PTPRN2: variants seen among roughly 807,000 people sequenced by gnomAD.
PTPRN2 encodes receptor-type tyrosine-protein phosphatase N2.
Under a neutral mutation model 118.8 loss-of-function variants are expected in PTPRN2, and 74 were observed. That is an observed-to-expected ratio of 0.62 (90% CI 0.52 to 0.76). PTPRN2 has a LOEUF of 0.76. PTPRN2 is among the 30% of genes least tolerant of loss of function. PTPRN2 has a pLI of 0.00. For synonymous variants in PTPRN2, 641 were observed against 608.0 expected (o/e 1.05, Z -0.80); for missense variants, 1,481 against 1,394.4 (o/e 1.06, Z -0.99).
chr7:158,549,653 A>G (rs1021562864), intron 1 of PTPRN2, among the ~76,000 whole-genome samples: 1 of 152,260 alleles, frequency 6.6e-6, no homozygotes, highest in Non-Finnish European at 1.5e-5. Context: ...AAACGCTGGA[A>G]GCTCCGCCTC....
intron 1 of PTPRN2, among the ~76,000 whole-genome samples, chr7:158,577,934 C>A (rs1270625136): frequency 6.6e-6 from 1 of 152,168 alleles, no homozygotes; most frequent in Non-Finnish European, 1.5e-5. Flanking sequence ...GCCATCCCCA[C>A]AGGCCAGGAA....
At chr7:157,933,483 G>T (rs1010460521) in intron 11 of PTPRN2, among the ~76,000 whole-genome samples, 4 of 143,850 alleles carry the variant, frequency 2.8e-5, no homozygotes, top group African/African-American at 1.0e-4. Context: ...TTTTAGAGGA[G>T]GGGTGAGTCA....
chr7:157,684,835 C>T (rs941261050), intron 12 of PTPRN2, among the ~76,000 whole-genome samples: 3 of 152,000 alleles, frequency 2.0e-5, no homozygotes, highest in Admixed American at 1.3e-4. Flanking sequence ...GGGTGGGCGG[C>T]AGCCCCGCCC....
At chr7:157,995,369 T>G (rs1182641090) in intron 11 of PTPRN2, among the ~76,000 whole-genome samples, 1 of 151,948 alleles carries the variant, frequency 6.6e-6, no homozygotes, top group Non-Finnish European at 1.5e-5. Flanking sequence ...AAATCAACAC[T>G]GTGTCCCCAG....
intron 9 of PTPRN2, among the ~76,000 whole-genome samples, chr7:158,129,630 A>G (rs547714693): frequency 1.3e-5 from 2 of 152,252 alleles, no homozygotes; most frequent in African/African-American, 4.8e-5. Context: ...CACACCACAC[A>G]CAAAGCAGTG....
chr7:157,852,652 C>T (rs771337666), intron 12 of PTPRN2, among the ~76,000 whole-genome samples: 27 of 152,090 alleles, frequency 1.8e-4, no homozygotes, highest in Admixed American at 2.0e-4. Flanking sequence ...GGGCGGATCA[C>T]GAGGTCAAGA....
intron 3 of PTPRN2, among the ~76,000 whole-genome samples, chr7:158,253,081 A>G (rs1192707551): frequency 1.3e-5 from 2 of 152,210 alleles, no homozygotes; most frequent in East Asian, 1.9e-4. Context: ...CCACAGTTCC[A>G]ATCTGTTTTT....
At chr7:158,491,942 C>A (rs1821483101) in intron 1 of PTPRN2, among the ~76,000 whole-genome samples, 1 of 152,166 alleles carries the variant, frequency 6.6e-6, no homozygotes, top group Non-Finnish European at 1.5e-5. Context: ...GAGAGACACA[C>A]ACCTGGCACT....
intron 1 of PTPRN2, among the ~76,000 whole-genome samples, chr7:158,518,783 A>G (rs997809708): frequency 6.6e-5 from 10 of 152,136 alleles, no homozygotes; most frequent in Non-Finnish European, 8.8e-5. Context: ...TCAGGAGTTC[A>G]AGACCAGCCT....
chr7:158,168,107 A>G (rs1823195528), intron 5 of PTPRN2, among the ~76,000 whole-genome samples: 1 of 152,238 alleles, frequency 6.6e-6, no homozygotes, highest in Admixed American at 6.5e-5. Context: ...CAATCTCACC[A>G]GTAATGGATG....
In PTPRN2 at chr7:157,758,480, G is replaced by A. The variant is rs140942050; in HGVS notation, c.1789-75543C>T. 9.6e-3 allele frequency among the ~76,000 whole-genome samples: 1,464 copies of A among 152,328 alleles called. 25 individuals carry two copies. The highest frequency in any genetic ancestry group is 0.061 in the Middle Eastern group (18 of 294). On this transcript the variant is annotated intron_variant, in intron 12 of 22. Coordinates refer to ENST00000389418, the MANE Select transcript of PTPRN2 (RefSeq NM_002847.5). ...ACGCGGGCCCCAGACCGTGGCCCCC[G>A]TGCAGCTCTGGGTCCAGCTGGCCAA...
intron 11 of PTPRN2, among the ~76,000 whole-genome samples, chr7:157,899,551 C>T (rs1006313251): frequency 6.6e-6 from 1 of 152,186 alleles, no homozygotes; most frequent in African/African-American, 2.4e-5. Context: ...ACTGCAAACC[C>T]TATGAATGAA....
chr7:158,072,690 CTG>C (rs1812036364), intron 11 of PTPRN2, among the ~76,000 whole-genome samples: 1 of 152,178 alleles, frequency 6.6e-6, no homozygotes, highest in South Asian at 2.1e-4. Context: ...CAAGGTGACT[CTG>C]TGTTAGTCTG....
intron 2 of PTPRN2, among the ~76,000 whole-genome samples, chr7:158,330,425 A>C (rs867013880): frequency 4.7e-4 from 41 of 88,124 alleles, no homozygotes; most frequent in African/African-American, 1.6e-3. Context: ...ACTCACACCA[A>C]CACTCTCACC....
intron 1 of PTPRN2, among the ~76,000 whole-genome samples, chr7:158,575,186 C>A (rs1828256787): frequency 6.6e-6 from 1 of 152,210 alleles, no homozygotes; most frequent in Non-Finnish European, 1.5e-5. Flanking sequence ...CTTTGTCAAA[C>A]ATGTTATCTT....
At chr7:157,659,159 G>A (rs995871724) in intron 13 of PTPRN2, among the ~76,000 whole-genome samples, 61 of 151,616 alleles carry the variant, frequency 4.0e-4, no homozygotes, top group African/African-American at 7.3e-5. Flanking sequence ...TCATGCTCCC[G>A]GGCTCTCTGC....
At chr7:157,847,387 C>T (rs1808915884) in intron 12 of PTPRN2, among the ~76,000 whole-genome samples, 1 of 151,294 alleles carries the variant, frequency 6.6e-6, no homozygotes, top group African/African-American at 2.4e-5. Context: ...CTGACTCTAT[C>T]ACGTGTGCCC....
At position 158,136,305 on chromosome 7, in the gene PTPRN2, C is replaced by T. The variant is rs372889699; in HGVS notation, c.1173+350G>A. Among the ~76,000 whole-genome samples the T allele has an allele frequency of 4.6e-5, 7 of 152,310 alleles. No homozygotes were observed. In the East Asian group the frequency reaches 9.6e-4, roughly 21 times the overall value. On this transcript the variant is annotated intron_variant, in intron 8 of 22. Coordinates refer to ENST00000389418, the MANE Select transcript of PTPRN2 (RefSeq NM_002847.5). Reference sequence around the variant, plus strand: ...GAGTGAGCTGAACCCCTCAGGAATCCGCACATGCAGGAGGCATCAAATGTG... The same window carrying T: ...GAGTGAGCTGAACCCCTCAGGAATCTGCACATGCAGGAGGCATCAAATGTG...
chr7:157,540,870 G>C, intron 22 of PTPRN2, 85 bp from the exon 23 acceptor site: 1 of 1,140,234 alleles, frequency 8.8e-7, no homozygotes, highest in South Asian at 1.4e-5. Flanking sequence ...GCAGATGAAA[G>C]CGGCGTCCCC....
Sources: gnomAD v4.1 joint callset for allele counts (sites outside exome capture counted in the v4.1 genomes callset) on GRCh38, gnomAD v4.1.1 for gene constraint, MANE v1.5 for transcripts, NCBI Gene and HGNC (gene_info 2026-07-23, HGNC 2026-07-21) for gene names.